The following WDR70 variants were observed in gnomAD, a reference collection of about 807,000 sequenced individuals.
The protein encoded by WDR70 is WD repeat domain 70, also known as WD repeat-containing protein 70.
In WDR70, 53 loss-of-function variants were observed where a neutral mutation model predicts 88.6. The observed-to-expected ratio is 0.60, with a 90% confidence interval of 0.48 to 0.75. The LOEUF (loss-of-function observed/expected upper bound fraction) is 0.75, where lower values mean the gene tolerates loss of function less well. WDR70 is among the 30% of genes least tolerant of loss of function. WDR70 has a pLI of 0.00. For missense variants in WDR70, 610 were observed against 823.2 expected (o/e 0.74, Z 3.17); for synonymous variants, 280 against 270.0 (o/e 1.04, Z -0.36).
intron 6 of WDR70, among the ~76,000 whole-genome samples, chr5:37,441,326 C>T (rs538843378): frequency 6.6e-6 from 1 of 152,168 alleles, no homozygotes. Flanking sequence ...TTTTCCTTGA[C>T]ATCTTTAGAG....
chr5:37,728,759 G>C (rs1748060727), intron 17 of WDR70, among the ~76,000 whole-genome samples: 1 of 152,008 alleles, frequency 6.6e-6, no homozygotes, highest in African/African-American at 2.4e-5. Flanking sequence ...AAACTTCTTG[G>C]GAGTGATATT....
intron 9 of WDR70, among the ~76,000 whole-genome samples, chr5:37,540,467 C>T (rs567549585): frequency 2.0e-5 from 3 of 152,230 alleles, no homozygotes; most frequent in South Asian, 2.1e-4. Flanking sequence ...CTGCAATCTC[C>T]GCCTCCCAGG....
At chr5:37,512,009 G>T (rs1740735677) in intron 8 of WDR70, among the ~76,000 whole-genome samples, 2 of 152,190 alleles carry the variant, frequency 1.3e-5, no homozygotes, top group African/African-American at 2.4e-5. Flanking sequence ...GAAAACAACA[G>T]AAATTTATTC....
intron 5 of WDR70, among the ~76,000 whole-genome samples, chr5:37,432,852 C>T (rs891212103): frequency 3.7e-4 from 57 of 152,198 alleles, no homozygotes; most frequent in Admixed American, 2.2e-3. Flanking sequence ...CGTGAGCCAC[C>T]GCACCCGGCC....
intron 5 of WDR70, among the ~76,000 whole-genome samples, chr5:37,407,123 C>G (rs1056554764): frequency 6.6e-6 from 1 of 152,186 alleles, no homozygotes; most frequent in Admixed American, 6.5e-5. Flanking sequence ...GATCTTGCCA[C>G]TGTACTCCAG....
intron 5 of WDR70, among the ~76,000 whole-genome samples, chr5:37,425,394 C>G (rs1453313384): frequency 6.6e-6 from 1 of 152,150 alleles, no homozygotes; most frequent in Non-Finnish European, 1.5e-5. Flanking sequence ...TCAAGTTAGG[C>G]CTCCTTCAGA....
intron 10 of WDR70, among the ~76,000 whole-genome samples, chr5:37,685,936 G>C (rs1240910373): frequency 2.6e-5 from 4 of 152,170 alleles, no homozygotes; most frequent in Admixed American, 2.6e-4. Context: ...TGTGTCTTCT[G>C]TCTACTCGCA....
At chr5:37,392,194 T>A (rs1015982414) in intron 4 of WDR70, 74 bp downstream of exon 4, 103 of 1,393,626 alleles carry the variant, frequency 7.4e-5, no homozygotes, top group African/African-American at 1.9e-4. Flanking sequence ...TTTTTTTTTT[T>A]AATTTTTTTG....
chr5:37,674,890 A>G (rs1246870616), intron 10 of WDR70, among the ~76,000 whole-genome samples: 4 of 151,608 alleles, frequency 2.6e-5, no homozygotes, highest in African/African-American at 9.7e-5. Flanking sequence ...CCTCTCCAGC[A>G]CCTGTTGTTT....
At chr5:37,622,997 A>C (rs1194526781) in intron 10 of WDR70, among the ~76,000 whole-genome samples, 1 of 152,180 alleles carries the variant, frequency 6.6e-6, no homozygotes, top group Non-Finnish European at 1.5e-5. Flanking sequence ...CATTAGCCAG[A>C]TACTAGCTAG....
At chr5:37,580,859 A>T (rs1743197675) in intron 9 of WDR70, among the ~76,000 whole-genome samples, 1 of 152,188 alleles carries the variant, frequency 6.6e-6, no homozygotes, top group Admixed American at 6.5e-5. Flanking sequence ...GCTTGTTTTC[A>T]CACACCTTAC....
chr5:37,599,841 C>T (rs1249452588), intron 9 of WDR70, among the ~76,000 whole-genome samples: 3 of 151,392 alleles, frequency 2.0e-5, no homozygotes, highest in African/African-American at 4.9e-5. Flanking sequence ...TGCAGTGAGC[C>T]GAGATCGTCC....
chr5:37,521,791 C>T (rs1035779785), intron 9 of WDR70, among the ~76,000 whole-genome samples: 1 of 151,562 alleles, frequency 6.6e-6, no homozygotes, highest in Non-Finnish European at 1.5e-5. Context: ...GGGCTGGTTC[C>T]ATGTTTTTGC....
At chr5:37,733,491 TC>T (rs1401538949) in intron 17 of WDR70, among the ~76,000 whole-genome samples, 4 of 152,132 alleles carry the variant, frequency 2.6e-5, no homozygotes, top group African/African-American at 9.7e-5. Flanking sequence ...AATTTAATTT[TC>T]CTCATTAAAT....
intron 10 of WDR70, among the ~76,000 whole-genome samples, chr5:37,652,056 T>C (rs1745423338): frequency 6.6e-6 from 1 of 152,264 alleles, no homozygotes; most frequent in Non-Finnish European, 1.5e-5. Context: ...AGTTTTCTTC[T>C]GGAGTTTTTA....
chr5:37,465,666 T>G (rs1486588455), intron 7 of WDR70, among the ~76,000 whole-genome samples: 5 of 150,870 alleles, frequency 3.3e-5, no homozygotes, highest in African/African-American at 1.2e-4. Flanking sequence ...GAGTTTTTTT[T>G]TTTTTTTTTT....
intron 17 of WDR70, among the ~76,000 whole-genome samples, chr5:37,750,207 T>C (rs1270815091): frequency 3.3e-5 from 5 of 152,148 alleles, no homozygotes; most frequent in Non-Finnish European, 7.4e-5. Flanking sequence ...ATCAACCTCC[T>C]ACGGATACTT....
At chr5:37,651,115 C>T (rs1197489076) in intron 10 of WDR70, among the ~76,000 whole-genome samples, 1 of 152,094 alleles carries the variant, frequency 6.6e-6, no homozygotes, top group African/African-American at 2.4e-5. Context: ...CTCCCCTAGC[C>T]CTCCATCCCC....
intron 9 of WDR70, among the ~76,000 whole-genome samples, chr5:37,534,550 T>TGC (rs1024878689): frequency 1.2e-4 from 17 of 144,972 alleles, no homozygotes; most frequent in Non-Finnish European, 6.0e-5. Flanking sequence ...CAGGCTGGAG[T>TGC]GCAGAGGCAC....
Sources: allele counts gnomAD v4.1 joint callset (sites outside exome capture counted in the v4.1 genomes callset), GRCh38; gene constraint gnomAD v4.1.1; transcripts MANE v1.5; gene names NCBI Gene and HGNC (gene_info 2026-07-23, HGNC 2026-07-21).